NDUFB1: variants seen among roughly 807,000 people sequenced by gnomAD.
NDUFB1 encodes the protein NADH:ubiquinone oxidoreductase subunit B1, also known as NADH dehydrogenase [ubiquinone] 1 beta subcomplex subunit 1.
A neutral mutation model predicts 6.7 loss-of-function variants in NDUFB1; 6 were observed. The ratio of observed to expected loss-of-function variants is 0.89; its 90% confidence interval spans 0.49 to 1.76. The LOEUF is 1.76. NDUFB1 is among the 40% of genes most tolerant of loss of function. The pLI is 0.01. For missense variants in NDUFB1, 56 were observed against 71.0 expected, an observed-to-expected ratio of 0.79 and a Z score of 0.76; for synonymous variants, 17 against 22.9, an observed-to-expected ratio of 0.74 and a Z score of 0.74.
intron 1 of NDUFB1, among the ~76,000 whole-genome samples, chr14:92,120,803 C>T (rs1596117599): frequency 1.3e-5 from 2 of 148,232 alleles, no homozygotes; most frequent in South Asian, 2.2e-4. Context: ...CCGGCCACCT[C>T]GGCCTTCCAA....
At chr14:92,118,925 G>A in intron 1 of NDUFB1, 1 of 350,540 alleles carries the variant, frequency 2.9e-6, no homozygotes, top group Admixed American at 3.9e-5. Flanking sequence ...AGTGAGCTGA[G>A]ATGACGCCAC....
chr14:92,117,818 C>A, intron 1 of NDUFB1, 176 bp from the exon 2 acceptor site: 1 of 613,910 alleles, frequency 1.6e-6, no homozygotes. Flanking sequence ...GCCAACATGG[C>A]AAAACCCCAT....
intron 1 of NDUFB1, among the ~76,000 whole-genome samples, chr14:92,119,664 C>T (rs1260338370): frequency 1.3e-5 from 2 of 152,220 alleles, no homozygotes; most frequent in East Asian, 3.9e-4. Context: ...TATTTGCATG[C>T]ACATAATGAG....
chr14:92,116,326 A>ATTTTC (rs751670916), intron 2 of NDUFB1, 97 bp from the exon 3 acceptor site: 21 of 698,308 alleles, frequency 3.0e-5, no homozygotes, highest in African/African-American at 7.8e-5. Flanking sequence ...GCAATATTTC[A>ATTTTC]TTTTCTTTTT....
At chr14:92,116,356 C>T (rs1429295048) in intron 2 of NDUFB1, 127 bp from the exon 3 acceptor site, 28 of 682,914 alleles carry the variant, frequency 4.1e-5, no homozygotes, top group African/African-American at 5.1e-5. Context: ...TTTTTTGAGA[C>T]GAAGTCTGGC....
chr14:92,121,374 T>A, intron 1 of NDUFB1: 1 of 559,588 alleles, frequency 1.8e-6, no homozygotes, highest in Non-Finnish European at 3.2e-6. Context: ...CCAGTCCGGT[T>A]AGCGGGCGGT....
At chr14:92,119,231 G>C (rs908154311) in intron 1 of NDUFB1, among the ~76,000 whole-genome samples, 3 of 142,038 alleles carry the variant, frequency 2.1e-5, no homozygotes, top group African/African-American at 8.2e-5. Flanking sequence ...AGGATTGCTT[G>C]AGCCCAAGAG....
At chr14:92,117,677 CTT>C (rs36078150) in intron 1 of NDUFB1, 35 bp from the exon 2 acceptor site, 2 of 1,584,248 alleles carry the variant, frequency 1.3e-6, no homozygotes. Flanking sequence ...AATACAACTG[CTT>C]TGTTTTTTTT....
At chr14:92,117,703 T>C in intron 1 of NDUFB1, 61 bp from the exon 2 acceptor site, 2 of 1,541,048 alleles carry the variant, frequency 1.3e-6, no homozygotes, top group South Asian at 1.2e-5. Context: ...AAATAGCTTT[T>C]AAATTGCATC....
At chr14:92,119,298 C>A (rs182266635) in intron 1 of NDUFB1, among the ~76,000 whole-genome samples, 19 of 133,014 alleles carry the variant, frequency 1.4e-4, no homozygotes, top group Admixed American at 9.3e-4. Context: ...GACGACAGAG[C>A]GTGATGCTGT....
intron 1 of NDUFB1, among the ~76,000 whole-genome samples, chr14:92,120,625 C>T (rs1380607088): frequency 1.3e-5 from 2 of 152,024 alleles, no homozygotes; most frequent in Non-Finnish European, 2.9e-5. Flanking sequence ...GCTGGGATTA[C>T]AGGCGTGAGC....
At chr14:92,117,342 T>C (rs2068723529) in intron 2 of NDUFB1, among the ~76,000 whole-genome samples, 156 bp downstream of exon 2, 1 of 152,190 alleles carries the variant, frequency 6.6e-6, no homozygotes, top group Non-Finnish European at 1.5e-5. Flanking sequence ...TACTGTTTTA[T>C]CCAAGGATTC....
At chr14:92,120,080 T>C (rs1279612826) in intron 1 of NDUFB1, among the ~76,000 whole-genome samples, 2 of 122,646 alleles carry the variant, frequency 1.6e-5, no homozygotes, top group African/African-American at 6.7e-5. Context: ...GGAAAATAAA[T>C]TGCACAATTC....
intron 2 of NDUFB1, 82 bp from the exon 3 acceptor site, chr14:92,116,311 T>G (rs11160044): frequency 1.8e-6 from 2 of 1,089,624 alleles, no homozygotes; most frequent in Admixed American, 4.2e-5. Flanking sequence ...GTCAGAAGAA[T>G]GATTGCAATA....
At chr14:92,120,876 G>C (rs974464735) in intron 1 of NDUFB1, among the ~76,000 whole-genome samples, 3 of 150,704 alleles carry the variant, frequency 2.0e-5, no homozygotes, top group South Asian at 2.1e-4. Context: ...TAAAAGGCAA[G>C]GTGGGCCAGG....
In NDUFB1 at chr14:92,116,212, T is replaced by C; in HGVS notation, c.158A>G (p.Glu53Gly). 1 of 1,613,372 alleles carries C rather than the reference T, an allele frequency of 6.2e-7. No homozygotes were observed. The highest frequency in any genetic ancestry group is 8.5e-7 in the Non-Finnish European group (1 of 1,179,684). The change falls in exon 3 of 3, where the codon GAA becomes GGA. Residue 53 changes from glutamate (E) to glycine (G), a missense_variant. Physicochemically the swap from Glu to Gly is moderately conservative, Grantham distance 98. Transcript: ENST00000605997. ...CAGTCTTTACTTCCAGGTAACTTCT[T>C]CACTGGGTTGCAATTCCCTGTGTGG... ...MLFKRELQPS[E>G]EVTWK
intron 1 of NDUFB1, among the ~76,000 whole-genome samples, chr14:92,119,782 T>A (rs7158971): frequency 0.2 from 29,849 of 151,390 alleles, 3,211 homozygotes; most frequent in East Asian, 0.3. Context: ...TTTTTTTTTT[T>A]AAATAGTCTC....
Position 92,117,680 on chromosome 14 carries a change from T to TTTTTG in NDUFB1, c.-5-39_-5-38insCAAAA, listed in dbSNP as rs397692494. ...AAAATTATCAGAAATACAACTGCTT[T>TTTTTG]GTTTTTTTTTTGAAATAGCTTTTAA... On this transcript the variant is annotated intron_variant, in intron 1 of 2. Transcript: ENST00000605997. 8 of 1,593,976 alleles carry TTTTTG rather than the reference T, an allele frequency of 5.0e-6. No homozygotes were observed. The African/African-American group carries it at 1.1e-4, about 22-fold the overall frequency.
chr14:92,118,936 T>C (rs1214109615), intron 1 of NDUFB1: 10 of 363,002 alleles, frequency 2.8e-5, no homozygotes, highest in Non-Finnish European at 4.3e-5. Flanking sequence ...ATGACGCCAC[T>C]ACACTCCAGC....
Sources: allele counts gnomAD v4.1 joint callset (sites outside exome capture counted in the v4.1 genomes callset), GRCh38; gene constraint gnomAD v4.1.1; transcripts MANE v1.5; gene names NCBI Gene and HGNC (gene_info 2026-07-23, HGNC 2026-07-21).